RNFT2: variants seen among roughly 807,000 people sequenced by gnomAD.
RNFT2 encodes the protein ring finger protein, transmembrane 2, also known as E3 ubiquitin-protein ligase RNFT2.
Under a neutral mutation model 53.0 loss-of-function variants are expected in RNFT2, and 36 were observed. The observed-to-expected ratio is 0.68, with a 90% confidence interval of 0.52 to 0.90. The LOEUF is 0.90. Ranked by LOEUF, RNFT2 falls within the 40% of genes least tolerant of loss-of-function variation. The pLI is 0.00. For missense variants in RNFT2, 514 were observed against 585.6 expected (o/e 0.88, Z 1.26); for synonymous variants, 260 against 253.2 (o/e 1.03, Z -0.26).
chr12:116,849,231 T>C (rs1208759736), intron 10 of RNFT2, 83 bp from the exon 11 acceptor site: 1 of 1,182,944 alleles, frequency 8.5e-7, no homozygotes, highest in Admixed American at 2.2e-5. Context: ...GTCTGTCTAG[T>C]CCGCTGCCCC....
intron 1 of RNFT2, 159 bp downstream of exon 1, chr12:116,738,529 A>C (rs1450663615): frequency 1.3e-5 from 2 of 152,074 alleles, no homozygotes; most frequent in Non-Finnish European, 2.9e-5. Flanking sequence ...TTCCAGTCCA[A>C]GTGATGCAGG....
chr12:116,788,473 G>T (rs1258285575), intron 7 of RNFT2, among the ~76,000 whole-genome samples: 1 of 152,062 alleles, frequency 6.6e-6, no homozygotes, highest in Non-Finnish European at 1.5e-5. Context: ...GCAGATCACT[G>T]CCTCTTAGAA....
At chr12:116,818,766 T>C (rs1482432763) in intron 7 of RNFT2, among the ~76,000 whole-genome samples, 1 of 152,174 alleles carries the variant, frequency 6.6e-6, no homozygotes, top group Non-Finnish European at 1.5e-5. Flanking sequence ...GCAAGTAACT[T>C]GACCTCTCCG....
Position 116,853,069 on chromosome 12 carries a change from C to G in RNFT2, c.*3621C>G. 2.4e-6 allele frequency: 1 copy of G among 414,610 alleles called. No individual in the cohort carries two copies. Among genetic ancestry groups the G allele is most frequent in the Non-Finnish European group, 4.2e-6 (1 of 235,718 alleles). The allele number at this position is 414,610 out of a possible 1,614,324, so 25.7% of individuals were successfully genotyped here. ...CCTACCCTCTGGGGGAACGTCCCAT[C>G]TGAGGTTTTCTTCTCGGTGGGGGGA... On this transcript the variant is annotated 3_prime_UTR_variant, in exon 11 of 11. Transcript: ENST00000257575.
At chr12:116,774,120 G>A (rs1425543315) in intron 6 of RNFT2, among the ~76,000 whole-genome samples, 7 of 152,296 alleles carry the variant, frequency 4.6e-5, no homozygotes, top group African/African-American at 7.2e-5. Flanking sequence ...AGAAAGAATG[G>A]CGGTTGCCAG....
rs1371276600 is a variant in RNFT2 at position 116,852,371 on chromosome 12, C to G, written c.*2923C>G. The G allele has an allele frequency of 7.9e-7, 1 of 1,262,352 alleles. No individual in the cohort carries two copies. Among genetic ancestry groups the G allele is most frequent in the African/African-American group, 1.5e-5 (1 of 66,128 alleles). The allele number at this position is 1,262,352 out of a possible 1,614,324, so 78.2% of individuals were successfully genotyped here. A position where few individuals can be genotyped will look rare whatever the true frequency, so the allele number is the denominator to read the frequency against. ...CATTTGCCCCTGTGTGCCACCAAACCAGGACTTTCCCCTTGGCTTGGCATC... is the reference window on the plus strand; with the variant it reads ...CATTTGCCCCTGTGTGCCACCAAACGAGGACTTTCCCCTTGGCTTGGCATC... On this transcript the variant is annotated 3_prime_UTR_variant, in exon 11 of 11. Transcript: ENST00000257575.
At chr12:116,795,462 C>A (rs1357943232) in intron 7 of RNFT2, among the ~76,000 whole-genome samples, 1 of 151,822 alleles carries the variant, frequency 6.6e-6, no homozygotes, top group Non-Finnish European at 1.5e-5. Flanking sequence ...AGCCCAAGAT[C>A]CGGGAACTGC....
At chr12:116,773,318 CAT>C (rs928609935) in intron 6 of RNFT2, among the ~76,000 whole-genome samples, 9 of 152,320 alleles carry the variant, frequency 5.9e-5, no homozygotes, top group Non-Finnish European at 1.0e-4. Context: ...ATTAAGAAAA[CAT>C]ATCAACTAAG....
At chr12:116,768,797 C>T (rs1189388094) in intron 6 of RNFT2, among the ~76,000 whole-genome samples, 1 of 146,930 alleles carries the variant, frequency 6.8e-6, no homozygotes, top group Non-Finnish European at 1.5e-5. Flanking sequence ...GTGGTGTGAT[C>T]TCGGCTCACT....
At position 116,797,952 on chromosome 12, in the gene RNFT2, A is replaced by C. The variant is rs938686510; in HGVS notation, c.882+18604A>C. Among the ~76,000 whole-genome samples, 5 of 152,176 alleles carry C rather than the reference A, an allele frequency of 3.3e-5. No homozygotes were observed. In the South Asian group the frequency reaches 1.0e-3, roughly 32 times the overall value. ...CATGGCAATGGTAAACTAACATGGC[A>C]TACTGTTGGGCATGGCTTATGGAAA... is the stretch of plus-strand genomic sequence containing the variant. On this transcript the variant is annotated intron_variant, in intron 7 of 10. Coordinates refer to ENST00000257575, the MANE Select transcript of RNFT2 (RefSeq NM_001382266.1).
At chr12:116,739,329 T>A (rs1871483153) in intron 1 of RNFT2, among the ~76,000 whole-genome samples, 2 of 152,300 alleles carry the variant, frequency 1.3e-5, no homozygotes, top group Middle Eastern at 6.8e-3. Context: ...CATAGATGTT[T>A]TATTCATTGA....
At chr12:116,805,693 C>G (rs1024071347) in intron 7 of RNFT2, among the ~76,000 whole-genome samples, 3 of 152,172 alleles carry the variant, frequency 2.0e-5, no homozygotes, top group Admixed American at 2.0e-4. Flanking sequence ...AGGCTGGTCT[C>G]GAACTCCTGG....
intron 5 of RNFT2, among the ~76,000 whole-genome samples, chr12:116,766,576 G>A (rs772895046): frequency 2.0e-5 from 3 of 152,180 alleles, no homozygotes; most frequent in Non-Finnish European, 2.9e-5. Context: ...GCGAACCATG[G>A]TGTTCTCTTG....
chr12:116,758,218 G>A (rs1055420572), intron 5 of RNFT2, among the ~76,000 whole-genome samples: 3 of 152,136 alleles, frequency 2.0e-5, no homozygotes, highest in African/African-American at 4.8e-5. Context: ...GTCCTTATGT[G>A]TTAGGTGAGT....
At chr12:116,842,106 A>G (rs1877372558) in intron 10 of RNFT2, among the ~76,000 whole-genome samples, 1 of 150,444 alleles carries the variant, frequency 6.6e-6, no homozygotes, top group African/African-American at 2.5e-5. Flanking sequence ...GCTGCATCCA[A>G]GCTCCGCCGT....
intron 7 of RNFT2, among the ~76,000 whole-genome samples, chr12:116,792,668 C>A (rs1230546987): frequency 6.6e-6 from 1 of 152,148 alleles, no homozygotes; most frequent in African/African-American, 2.4e-5. Context: ...AGATAAATTG[C>A]AGGCTTGGAA....
chr12:116,800,849 A>AG (rs1874750226), intron 7 of RNFT2, among the ~76,000 whole-genome samples: 1 of 143,982 alleles, frequency 6.9e-6, no homozygotes, highest in African/African-American at 2.7e-5. Flanking sequence ...AAAATAAAAT[A>AG]AAATAAAATA....
intron 10 of RNFT2, 112 bp from the exon 11 acceptor site, chr12:116,849,202 C>A: frequency 2.5e-6 from 2 of 786,698 alleles, no homozygotes; most frequent in South Asian, 1.8e-5. Flanking sequence ...CGAGTGCAGG[C>A]GCCCCGAAGG....
At chr12:116,841,314 G>A (rs1565875715) in intron 10 of RNFT2, among the ~76,000 whole-genome samples, 1 of 152,070 alleles carries the variant, frequency 6.6e-6, no homozygotes, top group African/African-American at 2.4e-5. Flanking sequence ...TTAGCCAAGT[G>A]TGGTGGTGCA....
Sources: gnomAD v4.1 joint callset for allele counts (sites outside exome capture counted in the v4.1 genomes callset) on GRCh38, gnomAD v4.1.1 for gene constraint, MANE v1.5 for transcripts, NCBI Gene and HGNC (gene_info 2026-07-23, HGNC 2026-07-21) for gene names.